Variants in SLC2A13 observed in about 807,000 individuals in gnomAD.
SLC2A13 encodes the protein solute carrier family 2 member 13, also known as proton myo-inositol cotransporter.
A neutral mutation model predicts 64.4 loss-of-function variants in SLC2A13; 32 were observed. The ratio of observed to expected loss-of-function variants is 0.50; its 90% CI spans 0.37 to 0.67. SLC2A13 has a LOEUF of 0.67. Among genes scored for constraint, SLC2A13 ranks in the 30% least tolerant of loss-of-function variants. The probability of loss-of-function intolerance (pLI) is 0.00; values close to 1 mark genes in which losing one functional copy is unlikely to be tolerated. For missense variants in SLC2A13, 743 were observed against 829.2 expected (o/e 0.90, Z 1.28); for synonymous variants, 338 against 327.1 (o/e 1.03, Z -0.36).
chr12:39,931,815 A>G (rs2136072934), intron 4 of SLC2A13, among the ~76,000 whole-genome samples: 1 of 152,306 alleles, frequency 6.6e-6, no homozygotes, highest in African/African-American at 2.4e-5. Flanking sequence ...CAGAATGTAA[A>G]TATCCAAAAT....
intron 7 of SLC2A13, among the ~76,000 whole-genome samples, chr12:39,787,654 T>C (rs950814703): frequency 1.3e-5 from 2 of 152,200 alleles, no homozygotes; most frequent in African/African-American, 4.8e-5. Flanking sequence ...TATTCAGTAA[T>C]GTAAGCATTA....
intron 7 of SLC2A13, among the ~76,000 whole-genome samples, chr12:39,784,407 C>A (rs146768226): frequency 6.6e-6 from 1 of 152,114 alleles, no homozygotes; most frequent in Admixed American, 6.5e-5. Context: ...ACAGAGCCCG[C>A]AGAAATAATG....
intron 2 of SLC2A13, among the ~76,000 whole-genome samples, chr12:40,039,814 T>C (rs569243281): frequency 3.2e-4 from 48 of 152,238 alleles, no homozygotes; most frequent in Non-Finnish European, 6.3e-4. Context: ...CATTAGCACA[T>C]CATTATCACC....
intron 1 of SLC2A13, among the ~76,000 whole-genome samples, chr12:40,096,109 T>C (rs1353135860): frequency 6.6e-6 from 1 of 151,564 alleles, no homozygotes; most frequent in African/African-American, 2.4e-5. Context: ...TTTGTACTTT[T>C]TAGTAGAGAT....
At chr12:39,906,106 A>G (rs1945270521) in intron 4 of SLC2A13, among the ~76,000 whole-genome samples, 1 of 126,844 alleles carries the variant, frequency 7.9e-6, no homozygotes, top group South Asian at 3.0e-4. Flanking sequence ...TATGTTGGAC[A>G]AAATCTAATT....
intron 3 of SLC2A13, among the ~76,000 whole-genome samples, chr12:39,963,113 C>T (rs983076000): frequency 4.6e-5 from 7 of 151,894 alleles, no homozygotes; most frequent in Non-Finnish European, 8.8e-5. Flanking sequence ...GGTGAAAACC[C>T]GTCTCTACTA....
rs1436380954 is a variant in SLC2A13, at chr12:39,757,271, G to C, written c.*2755C>G. 4 of 151,678 alleles carry C rather than the reference G, an allele frequency of 2.6e-5. No homozygotes were observed. The highest frequency in any genetic ancestry group is 9.7e-5 in the African/African-American group (4 of 41,320). 9.4% of individuals were successfully genotyped at this position (151,678 alleles called of 1,614,324 possible). A position where few individuals can be genotyped will look rare whatever the true frequency, so the allele number is the denominator to read the frequency against. ...TGTTTCAAAGGAAGTCTGTAATTTT[G>C]GTTGAAAGCATGATACGTAATCTGT... On this transcript the variant is annotated 3_prime_UTR_variant, in exon 10 of 10. Transcript: ENST00000280871.
intron 3 of SLC2A13, among the ~76,000 whole-genome samples, chr12:39,985,898 C>T (rs764240619): frequency 1.3e-5 from 2 of 152,064 alleles, no homozygotes; most frequent in Non-Finnish European, 2.9e-5. Context: ...ATTTCAGCTG[C>T]TATAATAGTG....
intron 1 of SLC2A13, among the ~76,000 whole-genome samples, chr12:40,076,225 T>G (rs796618492): frequency 3.5e-4 from 53 of 152,298 alleles, no homozygotes; most frequent in African/African-American, 1.3e-3. Context: ...TGCACATCAC[T>G]GGAGTTTGGT....
At chr12:39,988,100 T>C (rs919175421) in intron 3 of SLC2A13, among the ~76,000 whole-genome samples, 3 of 152,312 alleles carry the variant, frequency 2.0e-5, no homozygotes, top group African/African-American at 7.2e-5. Flanking sequence ...ATCTTCTAGA[T>C]GTACATATCT....
chr12:39,896,309 CATATATGTATGTATATGTGT>C (rs1373993275), intron 4 of SLC2A13, among the ~76,000 whole-genome samples: 1 of 83,902 alleles, frequency 1.2e-5, no homozygotes, highest in African/African-American at 4.3e-5. Flanking sequence ...TATATGTATA[CATATATGTATGTATATGTGT>C]ATATATGTAT....
chr12:39,782,458 C>T (rs548996350), intron 7 of SLC2A13, among the ~76,000 whole-genome samples: 39 of 152,282 alleles, frequency 2.6e-4, no homozygotes, highest in Admixed American at 9.2e-4. Context: ...GCCGCCACCA[C>T]GTAAGATGTG....
intron 3 of SLC2A13, among the ~76,000 whole-genome samples, chr12:40,020,685 A>G (rs982410447): frequency 1.6e-4 from 22 of 140,134 alleles, no homozygotes; most frequent in South Asian, 4.3e-4. Flanking sequence ...TTGAGGTGGG[A>G]AAAAAAAAAG....
At chr12:40,017,076 G>C (rs569535) in intron 3 of SLC2A13, among the ~76,000 whole-genome samples, 3 of 152,064 alleles carry the variant, frequency 2.0e-5, no homozygotes, top group Admixed American at 6.6e-5. Flanking sequence ...GTAGGACAGA[G>C]GGAAGGAGTC....
chr12:39,875,645 T>A (rs1466196289), intron 4 of SLC2A13, among the ~76,000 whole-genome samples: 1 of 152,218 alleles, frequency 6.6e-6, no homozygotes, highest in Non-Finnish European at 1.5e-5. Context: ...GACATCTATT[T>A]AAAAGGTAAT....
At chr12:39,898,122 T>C (rs1380678540) in intron 4 of SLC2A13, among the ~76,000 whole-genome samples, 8 of 152,172 alleles carry the variant, frequency 5.3e-5, no homozygotes, top group Admixed American at 5.2e-4. Context: ...TAAAGCCTTC[T>C]GGTGAACATA....
At chr12:39,775,160 A>G (rs1429159841) in intron 7 of SLC2A13, among the ~76,000 whole-genome samples, 3 of 152,218 alleles carry the variant, frequency 2.0e-5, no homozygotes, top group African/African-American at 4.8e-5. Context: ...TAGAAACCAT[A>G]AAAGTCTCCC....
chr12:39,778,380 C>T (rs541932941), intron 7 of SLC2A13, among the ~76,000 whole-genome samples: 10 of 152,054 alleles, frequency 6.6e-5, no homozygotes, highest in Non-Finnish European at 1.3e-4. Context: ...TCTTGGGGGC[C>T]AGCTGTAGGG....
At chr12:39,975,918 T>C (rs1176998240) in intron 3 of SLC2A13, among the ~76,000 whole-genome samples, 1 of 152,230 alleles carries the variant, frequency 6.6e-6, no homozygotes, top group Non-Finnish European at 1.5e-5. Flanking sequence ...AGATTCTAAA[T>C]AGCTATGTGC....
Sources: gnomAD v4.1 joint callset for allele counts (sites outside exome capture counted in the v4.1 genomes callset) on GRCh38, gnomAD v4.1.1 for gene constraint, MANE v1.5 for transcripts, NCBI Gene and HGNC (gene_info 2026-07-23, HGNC 2026-07-21) for gene names.